AASDHPPT: variants seen among roughly 807,000 people sequenced by gnomAD.
The protein encoded by AASDHPPT is aminoadipate-semialdehyde dehydrogenase-phosphopantetheinyl transferase.
Under a neutral mutation model 36.4 loss-of-function variants are expected in AASDHPPT, and 23 were observed. That is an observed-to-expected ratio of 0.63 (90% CI 0.45 to 0.89). The LOEUF is 0.89. AASDHPPT is among the 40% of genes least tolerant of loss of function. The probability of loss-of-function intolerance (pLI) is 0.00; values close to 1 mark genes in which losing one functional copy is unlikely to be tolerated. For missense variants in AASDHPPT, 377 were observed against 378.2 expected (o/e 1.00, Z 0.03); for synonymous variants, 115 against 128.0 (o/e 0.90, Z 0.68).
intron 5 of AASDHPPT, among the ~76,000 whole-genome samples, chr11:106,096,291 A>G (rs1861312335): frequency 1.3e-5 from 2 of 152,314 alleles, no homozygotes; most frequent in African/African-American, 2.4e-5. Flanking sequence ...TATTGAATAA[A>G]TAATTTCCTA....
intron 2 of AASDHPPT, among the ~76,000 whole-genome samples, chr11:106,088,684 T>C (rs557925428): frequency 3.9e-5 from 6 of 152,154 alleles, no homozygotes; most frequent in African/African-American, 1.4e-4. Flanking sequence ...AACAAAAAAG[T>C]TTTTATTGAG....
chr11:106,088,348 G>T (rs1373860771), intron 2 of AASDHPPT, among the ~76,000 whole-genome samples: 1 of 151,950 alleles, frequency 6.6e-6, no homozygotes, highest in Non-Finnish European at 1.5e-5. Flanking sequence ...GCAGCAAGCA[G>T]AATGACACTA....
intron 4 of AASDHPPT, chr11:106,092,833 G>T (rs1056139166): frequency 3.9e-5 from 6 of 152,112 alleles, no homozygotes; most frequent in African/African-American, 1.4e-4. Context: ...GAGGCTTTGT[G>T]TTAGATGATT....
intron 4 of AASDHPPT, chr11:106,094,371 A>G (rs920029398): frequency 2.7e-6 from 1 of 372,214 alleles, no homozygotes; most frequent in Non-Finnish European, 4.8e-6. Flanking sequence ...TAGGAAATAC[A>G]TGTTGAAGTA....
chr11:106,095,540 A>T (rs1156593070), intron 5 of AASDHPPT, among the ~76,000 whole-genome samples: 1 of 152,230 alleles, frequency 6.6e-6, no homozygotes, highest in Non-Finnish European at 1.5e-5. Flanking sequence ...CTTAGATTTC[A>T]TATAATTGTG....
At chr11:106,083,153 GT>G (rs547733584) in intron 2 of AASDHPPT, among the ~76,000 whole-genome samples, 126 of 152,180 alleles carry the variant, frequency 8.3e-4, no homozygotes, top group Non-Finnish European at 1.5e-3. Context: ...CCCTCAAGGA[GT>G]TTTCCTCCTT....
intron 2 of AASDHPPT, among the ~76,000 whole-genome samples, chr11:106,086,600 C>T (rs1861200560): frequency 1.3e-5 from 2 of 152,266 alleles, no homozygotes; most frequent in Non-Finnish European, 2.9e-5. Context: ...CCCATCCCAG[C>T]ATTAGCAATT....
intron 5 of AASDHPPT, among the ~76,000 whole-genome samples, chr11:106,096,391 C>T (rs1334131591): frequency 6.6e-6 from 1 of 152,146 alleles, no homozygotes; most frequent in Non-Finnish European, 1.5e-5. Flanking sequence ...TCTCACTCAC[C>T]TCTATCAAAA....
At chr11:106,094,690 A>G in intron 5 of AASDHPPT, 36 bp downstream of exon 5, 3 of 1,490,478 alleles carry the variant, frequency 2.0e-6, no homozygotes, top group Admixed American at 1.9e-5. Context: ...TCTAAATAGC[A>G]TGAATCAATG....
chr11:106,091,511 AT>A (rs2135043674), intron 4 of AASDHPPT, 34 bp downstream of exon 4: 1 of 1,539,508 alleles, frequency 6.5e-7, no homozygotes, highest in East Asian at 2.3e-5. Context: ...AAAACTAAGA[AT>A]TTCTATTTTT....
chr11:106,091,931 T>C (rs1384621664), intron 4 of AASDHPPT: 3 of 152,726 alleles, frequency 2.0e-5, no homozygotes, highest in Non-Finnish European at 4.4e-5. Context: ...CAAAACAGTA[T>C]TATAGGTTAC....
intron 2 of AASDHPPT, among the ~76,000 whole-genome samples, chr11:106,082,899 T>A (rs1321986539): frequency 6.6e-6 from 1 of 152,232 alleles, no homozygotes; most frequent in East Asian, 1.9e-4. Flanking sequence ...TGTTTAGTTT[T>A]GTGACCATAT....
intron 2 of AASDHPPT, among the ~76,000 whole-genome samples, chr11:106,087,377 A>G (rs908583095): frequency 3.4e-4 from 52 of 152,254 alleles, no homozygotes; most frequent in Non-Finnish European, 6.9e-4. Context: ...GCAAAATTAT[A>G]TATAATTCTA....
In AASDHPPT at chr11:106,077,999, C is replaced by G; in HGVS notation, c.183+106C>G. On this transcript the variant is annotated intron_variant, in intron 1 of 5. Transcript: ENST00000278618. ...TCCCGCGCTGGCCGCGACCCTCTCGCTGTGGAGCCTGTGGCCGGCCCGGGC... is the reference window on the plus strand; with the variant it reads ...TCCCGCGCTGGCCGCGACCCTCTCGGTGTGGAGCCTGTGGCCGGCCCGGGC... 9.7e-6 allele frequency: 13 copies of G among 1,346,576 alleles called. No individual in the cohort carries two copies. The South Asian group carries it at 1.9e-4, about 19-fold the overall frequency. The allele number at this position is 1,346,576 out of a possible 1,614,324, so 83.4% of individuals were successfully genotyped here.
At chr11:106,081,089 ATC>A (rs980296729) in intron 2 of AASDHPPT, among the ~76,000 whole-genome samples, 1 of 152,204 alleles carries the variant, frequency 6.6e-6, no homozygotes, top group African/African-American at 2.4e-5. Context: ...TCACTATCAC[ATC>A]TCTTAGTACC....
At chr11:106,088,457 C>T (rs930634004) in intron 2 of AASDHPPT, among the ~76,000 whole-genome samples, 2 of 151,998 alleles carry the variant, frequency 1.3e-5, no homozygotes, top group African/African-American at 4.8e-5. Context: ...GGCTTCCAAA[C>T]CAAAAATAGT....
rs748853800 is a variant in AASDHPPT, at chr11:106,077,675, C to G, written c.-36C>G. ...GGGGCCACGTTTGCGTCCGCGCCATCAGGCCCGAGATAGCGGCGAGGTCCG... is the reference window on the plus strand; with the variant it reads ...GGGGCCACGTTTGCGTCCGCGCCATGAGGCCCGAGATAGCGGCGAGGTCCG... On this transcript the variant is annotated 5_prime_UTR_variant, in exon 1 of 6. The change creates a new upstream start codon in the 5' untranslated region. Transcript: ENST00000278618. The G allele has an allele frequency of 3.8e-6, 6 of 1,595,402 alleles. No individual in the cohort carries two copies. Among genetic ancestry groups the G allele is most frequent in the South Asian group, 3.3e-5 (3 of 90,036 alleles).
In AASDHPPT at chr11:106,079,383, A is replaced by G; in HGVS notation, c.184-84A>G. The G allele has an allele frequency of 6.5e-6, 8 of 1,234,844 alleles. No homozygotes were observed. In the South Asian group the frequency reaches 1.3e-4, roughly 21 times the overall value. 76.5% of individuals were successfully genotyped at this position (1,234,844 alleles called of 1,614,324 possible). ...AGTTTTAAAAATGAAAATTTTAGAA[A>G]CCAAAAAAAAGTACTATTGCATACA... On this transcript the variant is annotated intron_variant, in intron 1 of 5. Transcript: ENST00000278618.
In AASDHPPT at chr11:106,090,603, T is replaced by A. The variant is rs1565411919; in HGVS notation, c.456T>A (p.Phe152Leu). ...PEFFHIMKRK[F>L]TNKEWETIRS... ...TCTTTCATATTATGAAAAGAAAGTT[T>A]ACCAACAAAGAATGGGAAACAATCA... Residue 152 changes from phenylalanine to leucine, a missense_variant, in exon 3 of 6, where the codon TTT (phenylalanine) becomes TTA (leucine). Transcript: ENST00000278618. 1.2e-6 allele frequency: 2 copies of A among 1,600,568 alleles called. No individual in the cohort carries two copies. The highest frequency in any genetic ancestry group is 1.4e-5 in the African/African-American group (1 of 74,068).
Sources: allele counts gnomAD v4.1 joint callset (sites outside exome capture counted in the v4.1 genomes callset), GRCh38; gene constraint gnomAD v4.1.1; transcripts MANE v1.5; gene names NCBI Gene and HGNC (gene_info 2026-07-23, HGNC 2026-07-21).